Variants in LONRF2 observed in about 807,000 individuals in gnomAD.
LONRF2 encodes the protein LON peptidase N-terminal domain and RING finger protein 2.
A neutral mutation model predicts 66.6 loss-of-function variants in LONRF2; 35 were observed. The ratio of observed to expected loss-of-function variants is 0.53; its 90% CI spans 0.40 to 0.70. The LOEUF (loss-of-function observed/expected upper bound fraction) is 0.70. Among genes scored for constraint, LONRF2 ranks in the 30% least tolerant of loss-of-function variants. The pLI is 0.00. For missense variants in LONRF2, 902 were observed against 1,002.1 expected, an observed-to-expected ratio of 0.90 and a Z score of 1.35; for synonymous variants, 417 against 418.1, an observed-to-expected ratio of 1.00 and a Z score of 0.03.
intron 1 of LONRF2, among the ~76,000 whole-genome samples, chr2:100,313,779 T>C (rs1675452887): frequency 6.6e-6 from 1 of 152,164 alleles, no homozygotes; most frequent in African/African-American, 2.4e-5. Flanking sequence ...CATTCTCACC[T>C]CTGTCACTTT....
chr2:100,292,624 G>A (rs1256364834), intron 9 of LONRF2, among the ~76,000 whole-genome samples: 4 of 151,930 alleles, frequency 2.6e-5, no homozygotes, highest in Admixed American at 6.6e-5. Context: ...CTCAGTGCAC[G>A]TGGAACTCTT....
chr2:100,293,164 T>C (rs1674996249), intron 9 of LONRF2, among the ~76,000 whole-genome samples: 1 of 152,192 alleles, frequency 6.6e-6, no homozygotes, highest in Admixed American at 6.5e-5. Context: ...CTGACAGGAA[T>C]TACTCTGGAT....
intron 9 of LONRF2, among the ~76,000 whole-genome samples, chr2:100,294,024 G>A (rs1489544192): frequency 1.3e-5 from 2 of 152,172 alleles, no homozygotes; most frequent in East Asian, 1.9e-4. Context: ...ATGGACTAGT[G>A]GGTGTGATAC....
At chr2:100,285,180 C>T (rs1259488014) in intron 11 of LONRF2, among the ~76,000 whole-genome samples, 1 of 152,084 alleles carries the variant, frequency 6.6e-6, no homozygotes, top group African/African-American at 2.4e-5. Context: ...ATTCCTTCTC[C>T]AAAAATGTGC....
At chr2:100,317,078 G>A (rs147059048) in intron 1 of LONRF2, among the ~76,000 whole-genome samples, 91 of 152,100 alleles carry the variant, frequency 6.0e-4, no homozygotes, top group Non-Finnish European at 1.1e-3. Context: ...AGTTTACCTC[G>A]TGTGTAAACA....
chr2:100,300,011 A>G lies in LONRF2; in HGVS notation c.1066-93T>C, dbSNP rs2871342. The G allele has an allele frequency of 3.6e-3, 1,562 of 432,272 alleles. 28 individuals are homozygous for G. The highest frequency in any genetic ancestry group is 6.4e-3 in the East Asian group (93 of 14,600). 26.8% of individuals were successfully genotyped at this position (432,272 alleles called of 1,614,324 possible). A position where few individuals can be genotyped will look rare whatever the true frequency, so the allele number is the denominator to read the frequency against. ...AGAAGCCTGTACTAGAAATCTTTGG[A>G]AAAAAAAAGGGGGGGGCATACACTC... On this transcript the variant is annotated intron_variant, in intron 4 of 11. Coordinates refer to ENST00000393437, the MANE Select transcript of LONRF2 (RefSeq NM_198461.4).
intron 9 of LONRF2, among the ~76,000 whole-genome samples, chr2:100,293,393 G>A (rs1675001244): frequency 6.6e-6 from 1 of 152,186 alleles, no homozygotes; most frequent in African/African-American, 2.4e-5. Flanking sequence ...TTCTTCCTGG[G>A]CACGTAGGTG....
chr2:100,272,319 C>T lies in LONRF2; in HGVS notation c.*11979G>A, dbSNP rs543400208. ...TTTGAGACCAGCTTGGGCAACACAG[C>T]TAGACCTCGTCTCCATAGAAAGTAA... On this transcript the variant is annotated 3_prime_UTR_variant, in exon 12 of 12. Coordinates refer to ENST00000393437, the MANE Select transcript of LONRF2 (RefSeq NM_198461.4). 3.9e-5 allele frequency among the ~76,000 whole-genome samples: 6 copies of T among 152,122 alleles called. No individual in the cohort carries two copies. Among genetic ancestry groups the T allele is most frequent in the African/African-American group, 1.2e-4 (5 of 41,424 alleles).
intron 10 of LONRF2, among the ~76,000 whole-genome samples, chr2:100,289,177 ATG>A (rs1383095566): frequency 1.5e-4 from 8 of 54,140 alleles, no homozygotes; most frequent in Non-Finnish European, 2.1e-4. Flanking sequence ...GCTCACCACC[ATG>A]TTTCCGGAAG....
intron 1 of LONRF2, among the ~76,000 whole-genome samples, chr2:100,317,483 TACC>T (rs1675531306): frequency 6.6e-6 from 1 of 152,220 alleles, no homozygotes; most frequent in Admixed American, 6.5e-5. Flanking sequence ...ATGTTACAAA[TACC>T]ACAAGACATT....
chr2:100,296,315 C>T (rs1306697553), intron 7 of LONRF2, among the ~76,000 whole-genome samples: 1 of 152,206 alleles, frequency 6.6e-6, no homozygotes, highest in Non-Finnish European at 1.5e-5. Context: ...TGATGCACAT[C>T]AGGGACCACT....
intron 2 of LONRF2, among the ~76,000 whole-genome samples, chr2:100,306,020 C>T (rs1675283312): frequency 6.6e-6 from 1 of 152,240 alleles, no homozygotes; most frequent in Non-Finnish European, 1.5e-5. Flanking sequence ...TCCGGAGTAG[C>T]TGGGATTATA....
intron 1 of LONRF2, among the ~76,000 whole-genome samples, chr2:100,316,612 A>G (rs576843290): frequency 9.2e-5 from 14 of 151,914 alleles, no homozygotes; most frequent in Admixed American, 2.6e-4. Flanking sequence ...TGGCAAACAC[A>G]ACCACAGGCC....
At chr2:100,297,182 G>A (rs1675086338) in intron 7 of LONRF2, among the ~76,000 whole-genome samples, 1 of 151,654 alleles carries the variant, frequency 6.6e-6, no homozygotes, top group Admixed American at 6.6e-5. Flanking sequence ...GGGCTGGAGT[G>A]CAGTGGCGCA....
chr2:100,286,915 T>A lies in LONRF2; in HGVS notation c.2069A>T (p.Gln690Leu). ...ATAAAGGAAAAAGGGAGGGCATACC[T>A]GAGGCTCAGGTTCTCTGTCTGGCAT... ...GVMPDREPEPQSNPSGPAWSW... is the reference protein window; with the variant it reads ...GVMPDREPEPLSNPSGPAWSW... The change falls in exon 11 of 12, where the codon CAG becomes CTG. Residue 690 changes from glutamine (Q) to leucine (L), a missense_variant and splice_region_variant. Around this residue, in one of 2 missense-constraint regions of LONRF2, gnomAD observed 317 missense variants for 432.2 expected, o/e 0.73. Coordinates refer to ENST00000393437, the MANE Select transcript of LONRF2 (RefSeq NM_198461.4). 1 of 1,613,510 alleles carries A rather than the reference T, an allele frequency of 6.2e-7. No homozygotes were observed. The highest frequency in any genetic ancestry group is 1.1e-5 in the South Asian group (1 of 90,892).
chr2:100,315,422 C>T lies in LONRF2; in HGVS notation c.679+5993G>A, dbSNP rs1267110632. The stretch of plus-strand genomic sequence containing the variant: ...GTTTTTTGTTTTATCTTTTATTTTT[C>T]CAATCTTAATACATAGCTATCTAGA... On this transcript the variant is annotated intron_variant, in intron 1 of 11. Coordinates refer to ENST00000393437, the MANE Select transcript of LONRF2 (RefSeq NM_198461.4). 2.0e-5 allele frequency among the ~76,000 whole-genome samples: 3 copies of T among 152,020 alleles called. No homozygotes were observed. In the East Asian group the frequency reaches 5.8e-4, roughly 29 times the overall value.
chr2:100,312,577 A>ACACATTTAAGT (rs1317403308), intron 1 of LONRF2, among the ~76,000 whole-genome samples: 1 of 152,116 alleles, frequency 6.6e-6, no homozygotes, highest in Non-Finnish European at 1.5e-5. Context: ...TTAAGTCTCT[A>ACACATTTAAGT]CTCCTCACAT....
At chr2:100,287,551 A>G (rs1479999906) in intron 10 of LONRF2, among the ~76,000 whole-genome samples, 2 of 152,194 alleles carry the variant, frequency 1.3e-5, no homozygotes, top group Non-Finnish European at 2.9e-5. Context: ...TGACATTTTA[A>G]AAATTGTATT....
intron 1 of LONRF2, among the ~76,000 whole-genome samples, chr2:100,315,430 A>AATAC (rs1438677302): frequency 5.9e-5 from 9 of 152,260 alleles, no homozygotes; most frequent in African/African-American, 2.2e-4. Flanking sequence ...TTCCAATCTT[A>AATAC]ATACATAGCT....
Sources: gnomAD v4.1 joint callset for allele counts (sites outside exome capture counted in the v4.1 genomes callset) on GRCh38, gnomAD v4.1.1 for gene constraint, gnomAD v4.1.1 regional missense constraint, MANE v1.5 for transcripts, NCBI Gene and HGNC (gene_info 2026-07-23, HGNC 2026-07-21) for gene names.